RAB39A: variants seen among roughly 807,000 people sequenced by gnomAD.
RAB39A encodes ras-related protein Rab-39A.
In RAB39A, 17 loss-of-function variants were observed where a neutral mutation model predicts 20.9. That is an observed-to-expected ratio of 0.81 (90% CI 0.56 to 1.22). RAB39A has a LOEUF of 1.22. RAB39A is among the 50% of genes most tolerant of loss of function. RAB39A has a pLI of 0.00. For synonymous variants in RAB39A, 99 were observed against 103.4 expected (o/e 0.96, Z 0.26); for missense variants, 234 against 270.5 (o/e 0.87, Z 0.95).
chr11:107,928,736 C>A lies in RAB39A; in HGVS notation c.168C>A (p.Ile56=). The change falls in exon 1 of 2, where the codon ATC becomes ATA. Residue 56 remains isoleucine (I), a synonymous_variant. Coordinates refer to ENST00000320578, the MANE Select transcript of RAB39A (RefSeq NM_017516.3). This position sits in a 1 kb window ranked among gnomAD's most constrained non-coding sequence, Gnocchi z 4.9. ...GVDFFSRLLE[I]EPGKRIKLQL... ...ACTTCTTCTCCCGCCTGCTGGAGAT[C>A]GAGCCGGGCAAGAGGATCAAGCTAC... The A allele has an allele frequency of 6.2e-7, 1 of 1,608,774 alleles. No homozygotes were observed. The highest frequency in any genetic ancestry group is 1.1e-5 in the South Asian group (1 of 90,310).
At chr11:107,946,044 T>C (rs1034354633) in intron 1 of RAB39A, among the ~76,000 whole-genome samples, 3 of 151,958 alleles carry the variant, frequency 2.0e-5, no homozygotes, top group African/African-American at 7.3e-5. Context: ...TATACCAACA[T>C]TTGAGTTTGC....
At chr11:107,931,211 G>T (rs1380433443) in intron 1 of RAB39A, among the ~76,000 whole-genome samples, 1 of 151,956 alleles carries the variant, frequency 6.6e-6, no homozygotes, top group Non-Finnish European at 1.5e-5. Flanking sequence ...TCCCGACCTC[G>T]GGTGATCCAC....
At chr11:107,955,340 A>G (rs988669949) in intron 1 of RAB39A, among the ~76,000 whole-genome samples, 2 of 152,068 alleles carry the variant, frequency 1.3e-5, no homozygotes, top group African/African-American at 4.8e-5. Context: ...GTAATTGTCC[A>G]GTGGAGGTTT....
At chr11:107,949,087 G>A (rs529945694) in intron 1 of RAB39A, among the ~76,000 whole-genome samples, 6 of 152,232 alleles carry the variant, frequency 3.9e-5, no homozygotes, top group Middle Eastern at 6.8e-3. Context: ...TTGGGAGGCC[G>A]AGGCAGGCCA....
In RAB39A at chr11:107,928,537, G is replaced by C. The variant is rs1861104746; in HGVS notation, c.-32G>C. On this transcript the variant is annotated 5_prime_UTR_variant, in exon 1 of 2. Coordinates refer to ENST00000320578, the MANE Select transcript of RAB39A (RefSeq NM_017516.3). This position sits in a 1 kb window ranked among gnomAD's most constrained non-coding sequence, Gnocchi z 4.9. ...GCCGCCGAACTTAGCCCGCGGGTGG[G>C]GCGGCCCGGGAGCCAGCGGGGCACG... The C allele has an allele frequency of 7.1e-7, 1 of 1,401,474 alleles. No homozygotes were observed. The highest frequency in any genetic ancestry group is 9.5e-7 in the Non-Finnish European group (1 of 1,057,994). 86.8% of individuals were successfully genotyped at this position (1,401,474 alleles called of 1,614,324 possible). A position where few individuals can be genotyped will look rare whatever the true frequency, so the allele number is the denominator to read the frequency against.
intron 1 of RAB39A, among the ~76,000 whole-genome samples, chr11:107,957,436 G>A (rs1861449003): frequency 6.6e-6 from 1 of 152,222 alleles, no homozygotes; most frequent in African/African-American, 2.4e-5. Context: ...CAACGTGAGT[G>A]TGCTGCAGGG....
chr11:107,960,111 A>C (rs1861480375), intron 1 of RAB39A, among the ~76,000 whole-genome samples: 1 of 151,916 alleles, frequency 6.6e-6, no homozygotes, highest in African/African-American at 2.4e-5. Flanking sequence ...TTGGGAGGCC[A>C]AGGCAGGAGA....
intron 1 of RAB39A, among the ~76,000 whole-genome samples, chr11:107,953,424 G>A (rs1861402262): frequency 6.6e-6 from 1 of 152,152 alleles, no homozygotes; most frequent in Non-Finnish European, 1.5e-5. Flanking sequence ...GGCTTGGAAT[G>A]AATCAAAAGA....
intron 1 of RAB39A, among the ~76,000 whole-genome samples, chr11:107,932,298 TAAAG>T (rs1396319793): frequency 6.6e-6 from 1 of 152,242 alleles, no homozygotes; most frequent in Non-Finnish European, 1.5e-5. Context: ...ATTTGTATAT[TAAAG>T]AAATTTAGAA....
chr11:107,939,124 A>G (rs1488376559), intron 1 of RAB39A, among the ~76,000 whole-genome samples: 1 of 151,748 alleles, frequency 6.6e-6, no homozygotes, highest in Non-Finnish European at 1.5e-5. Context: ...TCCACCTGTA[A>G]TCCCAGCTAA....
At chr11:107,930,928 C>T (rs1369012400) in intron 1 of RAB39A, among the ~76,000 whole-genome samples, 1 of 151,456 alleles carries the variant, frequency 6.6e-6, no homozygotes, top group Non-Finnish European at 1.5e-5. Context: ...ATTTGTTAGA[C>T]TTTAAAGACC....
At chr11:107,959,993 C>A (rs957102266) in intron 1 of RAB39A, among the ~76,000 whole-genome samples, 1 of 152,152 alleles carries the variant, frequency 6.6e-6, no homozygotes, top group Admixed American at 6.6e-5. Context: ...AGGTGGATCA[C>A]AAGGTCAAGA....
chr11:107,946,351 T>TAC (rs1338159679), intron 1 of RAB39A, among the ~76,000 whole-genome samples: 1 of 129,672 alleles, frequency 7.7e-6, no homozygotes, highest in African/African-American at 2.9e-5. Context: ...CACATATATA[T>TAC]ACACACACAC....
intron 1 of RAB39A, among the ~76,000 whole-genome samples, chr11:107,958,044 ACCATGCCTGG>A (rs2134974395): frequency 6.6e-6 from 1 of 152,034 alleles, no homozygotes; most frequent in South Asian, 2.1e-4. Context: ...GGCATGCACC[ACCATGCCTGG>A]CTATTTTATG....
chr11:107,944,169 A>G (rs530837384), intron 1 of RAB39A, among the ~76,000 whole-genome samples: 8 of 152,178 alleles, frequency 5.3e-5, no homozygotes, highest in African/African-American at 1.9e-4. Flanking sequence ...CCTCAACATC[A>G]GTTTCTAGGG....
chr11:107,961,994 AT>A lies in RAB39A; in HGVS notation c.279del (p.Phe93LeufsTer12). 1 of 1,613,818 alleles carries A rather than the reference AT, an allele frequency of 6.2e-7. No homozygotes were observed. Among genetic ancestry groups the A allele is most frequent in the Non-Finnish European group, 8.5e-7 (1 of 1,179,774 alleles). On this transcript the variant is annotated frameshift_variant, in exon 2 of 2. Coordinates refer to ENST00000320578, the MANE Select transcript of RAB39A (RefSeq NM_017516.3). LOFTEE classifies it high-confidence loss of function. ...YRNSVGGFLV[F>X]DITNRRSFEH... Reference sequence around the variant, plus strand: ...GCAACTCAGTTGGTGGATTTTTAGTATTTGACATTACTAACCGACGATCTTT... The same window carrying A: ...GCAACTCAGTTGGTGGATTTTTAGTATTGACATTACTAACCGACGATCTTT...
chr11:107,950,303 A>C (rs1861364483), intron 1 of RAB39A, among the ~76,000 whole-genome samples: 1 of 152,184 alleles, frequency 6.6e-6, no homozygotes, highest in Non-Finnish European at 1.5e-5. Flanking sequence ...AAAAGAAATA[A>C]GCTTTTTTTA....
In RAB39A at chr11:107,962,143, C is replaced by G. The variant is rs1861503651; in HGVS notation, c.425C>G (p.Ala142Gly). Reference sequence around the variant, plus strand: ...CAACGTCAAGTTACAAGGGAAGAAGCTGAAAAACTGTCAGCAGACTGTGGA... The same window carrying G: ...CAACGTCAAGTTACAAGGGAAGAAGGTGAAAAACTGTCAGCAGACTGTGGA... Reference protein sequence around the residue: ...ASQRQVTREEAEKLSADCGMK... With the variant: ...ASQRQVTREEGEKLSADCGMK... The change falls in exon 2 of 2, where the codon GCT (alanine) becomes GGT (glycine). Residue 142 changes from alanine (A) to glycine (G), a missense_variant. Transcript: ENST00000320578. 6.2e-7 allele frequency: 1 copy of G among 1,614,108 alleles called. No homozygotes were observed.
At chr11:107,934,684 T>TGGGA (rs1861175003) in intron 1 of RAB39A, among the ~76,000 whole-genome samples, 1 of 152,022 alleles carries the variant, frequency 6.6e-6, no homozygotes, top group South Asian at 2.1e-4. Context: ...CCCAGCACTT[T>TGGGA]GGGAGGCCAA....
Sources: gnomAD v4.1 joint callset for allele counts (sites outside exome capture counted in the v4.1 genomes callset) on GRCh38, gnomAD v4.1.1 for gene constraint, Gnocchi (gnomAD v3.1) non-coding constraint, MANE v1.5 for transcripts, NCBI Gene and HGNC (gene_info 2026-07-23, HGNC 2026-07-21) for gene names.